Variants in DLG2 observed in about 807,000 individuals in gnomAD.
DLG2 encodes the protein disks large homolog 2.
Under a neutral mutation model 132.5 loss-of-function variants are expected in DLG2, and 45 were observed. The ratio of observed to expected loss-of-function variants is 0.34; its 90% confidence interval spans 0.27 to 0.44. The LOEUF is 0.44. Ranked by LOEUF, DLG2 falls within the 20% of genes least tolerant of loss-of-function variation. DLG2 has a pLI of 1.00. For missense variants in DLG2, 1,045 were observed against 1,196.9 expected, an observed-to-expected ratio of 0.87 and a Z score of 1.87; for synonymous variants, 424 against 419.6, an observed-to-expected ratio of 1.01 and a Z score of -0.13.
intron 3 of DLG2, among the ~76,000 whole-genome samples, chr11:85,545,921 T>C (rs1293900074): frequency 1.3e-5 from 2 of 152,222 alleles, no homozygotes; most frequent in Admixed American, 6.5e-5. Context: ...ATCTATTTTG[T>C]TGAACTTTTC....
In DLG2 at chr11:84,943,353, C is replaced by T. The variant is rs569816218; in HGVS notation, c.357+168308G>A. Among the ~76,000 whole-genome samples the T allele has an allele frequency of 4.4e-4, 67 of 152,004 alleles. 3 individuals carry two copies. The South Asian group carries it at 0.014, about 32-fold the overall frequency. ...CCTTTCCTTCCTGCCTTCCTGCCTGCCTTTCTGCCTTCCTAACTGCCTGCC... is the reference window on the plus strand; with the variant it reads ...CCTTTCCTTCCTGCCTTCCTGCCTGTCTTTCTGCCTTCCTAACTGCCTGCC... On this transcript the variant is annotated intron_variant, in intron 6 of 27. Coordinates refer to ENST00000376104, the MANE Select transcript of DLG2 (RefSeq NM_001142699.3).
At chr11:83,517,776 C>T (rs757445217) in intron 21 of DLG2, among the ~76,000 whole-genome samples, 17 of 152,106 alleles carry the variant, frequency 1.1e-4, no homozygotes, top group East Asian at 1.9e-4. Flanking sequence ...TGGAGTTTGC[C>T]GGAGGTCCAC....
chr11:85,213,596 T>G (rs1457262583), intron 4 of DLG2, among the ~76,000 whole-genome samples: 3 of 152,096 alleles, frequency 2.0e-5, no homozygotes, highest in African/African-American at 7.2e-5. Flanking sequence ...AAAGAATAAA[T>G]TGTAAATGTT....
At chr11:85,052,633 T>A (rs570869596) in intron 6 of DLG2, among the ~76,000 whole-genome samples, 11 of 152,294 alleles carry the variant, frequency 7.2e-5, no homozygotes, top group African/African-American at 2.4e-4. Context: ...AGCACTAGAG[T>A]CATTAACATG....
At chr11:83,564,584 A>G (rs770788516) in intron 19 of DLG2, among the ~76,000 whole-genome samples, 43 of 152,300 alleles carry the variant, frequency 2.8e-4, no homozygotes, top group Middle Eastern at 3.4e-3. Flanking sequence ...TCTGGCATCT[A>G]TGTTTTTGGG....
At chr11:84,777,677 T>A (rs1186071925) in intron 6 of DLG2, among the ~76,000 whole-genome samples, 1 of 152,094 alleles carries the variant, frequency 6.6e-6, no homozygotes, top group Non-Finnish European at 1.5e-5. Flanking sequence ...TGGGGTAAGA[T>A]ATCTCACTGT....
At chr11:85,204,175 G>A (rs77847403) in intron 4 of DLG2, among the ~76,000 whole-genome samples, 3,299 of 152,094 alleles carry the variant, frequency 0.022, 60 homozygotes, top group Admixed American at 0.038. Flanking sequence ...AGTAGTAGAC[G>A]TCCTAACCAG....
At chr11:84,836,180 A>G (rs1291444129) in intron 6 of DLG2, among the ~76,000 whole-genome samples, 3 of 151,814 alleles carry the variant, frequency 2.0e-5, no homozygotes, top group Non-Finnish European at 2.9e-5. Context: ...TAATTGTACA[A>G]TAGGGTCTGA....
chr11:84,251,272 A>G lies in DLG2; in HGVS notation c.539T>C (p.Ile180Thr). ...SPLKASPAPI[I>T]VNTDTLDTIP... is the part of the protein sequence containing the mutation. ...TGTGTCCAAAGTATCTGTGTTGACAATTATAGGAGCAGGACTGGCCTGAAA... is the reference window on the plus strand; with the variant it reads ...TGTGTCCAAAGTATCTGTGTTGACAGTTATAGGAGCAGGACTGGCCTGAAA... Residue 180 changes from isoleucine to threonine, a missense_variant, in exon 8 of 28, where the codon ATT becomes ACT. Transcript: ENST00000376104. 6.3e-7 allele frequency: 1 copy of G among 1,595,172 alleles called. No individual in the cohort carries two copies.
chr11:84,665,622 C>T (rs1441428133), intron 6 of DLG2, among the ~76,000 whole-genome samples: 4 of 152,164 alleles, frequency 2.6e-5, no homozygotes, highest in Non-Finnish European at 4.4e-5. Flanking sequence ...ATTCACCCCA[C>T]CCCACTTCTT....
intron 6 of DLG2, among the ~76,000 whole-genome samples, chr11:84,610,885 A>T (rs2099594238): frequency 1.3e-5 from 2 of 151,942 alleles, no homozygotes; most frequent in African/African-American, 4.8e-5. Flanking sequence ...CTCTGCCTGA[A>T]ATATTCTCCT....
chr11:83,911,015 T>C (rs1201073496), intron 15 of DLG2, among the ~76,000 whole-genome samples: 1 of 152,122 alleles, frequency 6.6e-6, no homozygotes, highest in Non-Finnish European at 1.5e-5. Context: ...TGAGCAATAA[T>C]AGTTTGGCCT....
rs117135536 is a variant in DLG2 at position 84,911,890 on chromosome 11, G to T, written c.357+199771C>A. On this transcript the variant is annotated intron_variant, in intron 6 of 27. Coordinates refer to ENST00000376104, the MANE Select transcript of DLG2 (RefSeq NM_001142699.3). ...TTAGATGATTACTATTGTATATTAC[G>T]TAGAGGTCTTGGCTGGGAGATATAT... is the stretch of plus-strand genomic sequence containing the variant. Among the ~76,000 whole-genome samples the T allele has an allele frequency of 1.6e-3, 248 of 152,138 alleles. 3 individuals are homozygous for T. In the East Asian group the frequency reaches 0.044, roughly 27 times the overall value.
intron 4 of DLG2, among the ~76,000 whole-genome samples, chr11:85,268,812 T>C (rs1294489527): frequency 1.3e-5 from 2 of 152,220 alleles, no homozygotes; most frequent in South Asian, 2.1e-4. Flanking sequence ...AACAGATAAA[T>C]ACTTGGTAAG....
At chr11:84,940,953 A>G (rs2049334186) in intron 6 of DLG2, among the ~76,000 whole-genome samples, 1 of 152,188 alleles carries the variant, frequency 6.6e-6, no homozygotes, top group South Asian at 2.1e-4. Context: ...ATGGATATTC[A>G]GTTTTCCCAG....
intron 11 of DLG2, among the ~76,000 whole-genome samples, chr11:84,024,278 A>G (rs2095480346): frequency 6.6e-6 from 1 of 152,168 alleles, no homozygotes. Flanking sequence ...CACACATCTA[A>G]CTAAAGGTCC....
At chr11:84,184,108 G>T (rs942114347) in intron 8 of DLG2, among the ~76,000 whole-genome samples, 31 of 152,252 alleles carry the variant, frequency 2.0e-4, no homozygotes, top group African/African-American at 5.8e-4. Flanking sequence ...GGATGGCTGG[G>T]TCAAATGGTA....
chr11:85,497,878 C>T (rs1291873350), intron 3 of DLG2, among the ~76,000 whole-genome samples: 1 of 152,168 alleles, frequency 6.6e-6, no homozygotes, highest in Non-Finnish European at 1.5e-5. Flanking sequence ...CAAGCAAATG[C>T]TGAGAGATTT....
intron 9 of DLG2, among the ~76,000 whole-genome samples, chr11:84,127,495 T>C (rs1369327925): frequency 6.6e-6 from 1 of 152,362 alleles, no homozygotes; most frequent in South Asian, 2.1e-4. Context: ...GTGAGGGCTA[T>C]GAGAAATGAT....
Sources: allele counts gnomAD v4.1 joint callset (sites outside exome capture counted in the v4.1 genomes callset), GRCh38; gene constraint gnomAD v4.1.1; transcripts MANE v1.5; gene names NCBI Gene and HGNC (gene_info 2026-07-23, HGNC 2026-07-21).